LFNG: variants seen among roughly 807,000 people sequenced by gnomAD.
LFNG encodes the protein LFNG O-fucosylpeptide 3-beta-N-acetylglucosaminyltransferase.
LFNG carries 15 observed loss-of-function variants against 32.7 expected under a neutral mutation model. The ratio of observed to expected loss-of-function variants is 0.46; its 90% CI spans 0.31 to 0.71. The LOEUF (loss-of-function observed/expected upper bound fraction) is 0.71, where lower values mean the gene tolerates loss of function less well. Ranked by LOEUF, LFNG falls within the 30% of genes least tolerant of loss-of-function variation. LFNG has a pLI of 0.06. For synonymous variants in LFNG, 274 were observed against 246.8 expected (o/e 1.11, Z -1.03); for missense variants, 520 against 545.7 (o/e 0.95, Z 0.47).
rs1780055230 is a variant in LFNG, at chr7:2,528,216, A to T, written c.*1004A>T. 1 of 985,318 alleles carries T rather than the reference A, an allele frequency of 1.0e-6. No individual in the cohort carries two copies. The highest frequency in any genetic ancestry group is 6.2e-5 in the Admixed American group (1 of 16,218). 61.0% of individuals were successfully genotyped at this position (985,318 alleles called of 1,614,324 possible). On this transcript the variant is annotated 3_prime_UTR_variant, in exon 8 of 8. Coordinates refer to ENST00000222725, the MANE Select transcript of LFNG (RefSeq NM_001040167.2). ...TGTATTTATGCGTTCCAGCATCTGG[A>T]ACCTCCCATCCCTGCCCTCCTCCTG...
At chr7:2,512,668 C>T (rs1277271069) in exon 1 of LFNG, 2 of 1,613,700 alleles carry the variant, frequency 1.2e-6, no homozygotes, top group Admixed American at 3.3e-5. Context: ...GATGAACAGA[C>T]AGGAAGGCTC....
chr7:2,517,400 C>A (rs1779654585), upstream of LFNG, among the ~76,000 whole-genome samples: 2 of 152,104 alleles, frequency 1.3e-5, no homozygotes, highest in Non-Finnish European at 2.9e-5. Context: ...GACGCGGGAA[C>A]CCCCCCTACC....
At chr7:2,512,655 A>G (rs1779522330) in exon 1 of LFNG, 1 of 1,613,730 alleles carries the variant, frequency 6.2e-7, no homozygotes, top group East Asian at 2.2e-5. Flanking sequence ...GCTCAGAGGG[A>G]TGGATGAACA....
At chr7:2,524,784 A>C (rs1305863039) in intron 2 of LFNG, 41 bp downstream of exon 2, 6 of 1,538,242 alleles carry the variant, frequency 3.9e-6, no homozygotes, top group Non-Finnish European at 5.3e-6. Flanking sequence ...CCAGGCCTCC[A>C]TCCAGAGCCG....
In LFNG at chr7:2,520,899, C is replaced by G. The variant is rs78782692; in HGVS notation, c.432+606C>G. 0.012 allele frequency among the ~76,000 whole-genome samples: 1,894 copies of G among 152,286 alleles called. 18 individuals carry two copies. The highest frequency in any genetic ancestry group is 0.037 in the Middle Eastern group (11 of 294). Reference sequence around the variant, plus strand: ...TGAGGCCTGCAACCTTGGGCACAGCCCACTTCAGTTGGGCATCAGCTTCTT... The same window carrying G: ...TGAGGCCTGCAACCTTGGGCACAGCGCACTTCAGTTGGGCATCAGCTTCTT... On this transcript the variant is annotated intron_variant, in intron 1 of 7. Coordinates refer to ENST00000222725, the MANE Select transcript of LFNG (RefSeq NM_001040167.2). The surrounding 1 kb of genome is among the most constrained non-coding windows in gnomAD (Gnocchi z 5.0).
intron 1 of LFNG, among the ~76,000 whole-genome samples, chr7:2,521,393 G>A (rs1287815369): frequency 1.3e-5 from 2 of 152,198 alleles, no homozygotes. Flanking sequence ...GATTCCCAGC[G>A]CCGGGCGGCT....
At chr7:2,513,638 C>T (rs2128372937), upstream of LFNG, among the ~76,000 whole-genome samples, 1 of 152,280 alleles carries the variant, frequency 6.6e-6, no homozygotes, top group African/African-American at 2.4e-5. Context: ...ATGCCTGGGG[C>T]CTGACAGGCA....
Position 2,528,048 on chromosome 7 carries a change from G to A in LFNG, c.*836G>A. 1 of 955,874 alleles carries A rather than the reference G, an allele frequency of 1.0e-6. No homozygotes were observed. The highest frequency in any genetic ancestry group is 1.2e-6 in the Non-Finnish European group (1 of 813,660). 59.2% of individuals were successfully genotyped at this position (955,874 alleles called of 1,614,324 possible). A position where few individuals can be genotyped will look rare whatever the true frequency, so the allele number is the denominator to read the frequency against. ...TTGAAAGGGGATGGGTAAAAAGTAGGGTGTTCTTGTTTTTTGCTTGGGAGG... is the reference window on the plus strand; with the variant it reads ...TTGAAAGGGGATGGGTAAAAAGTAGAGTGTTCTTGTTTTTTGCTTGGGAGG... On this transcript the variant is annotated 3_prime_UTR_variant, in exon 8 of 8. Coordinates refer to ENST00000222725, the MANE Select transcript of LFNG (RefSeq NM_001040167.2).
In LFNG at chr7:2,520,846, G is replaced by T. The variant is rs1779768455; in HGVS notation, c.432+553G>T. On this transcript the variant is annotated intron_variant, in intron 1 of 7. Transcript: ENST00000222725. The surrounding 1 kb of genome is among the most constrained non-coding windows in gnomAD (Gnocchi z 5.0). ...CTCCAGGTTTTGGGGTCTGTGTGGGGACCCTCCCCGCACAGTGCAGTAGTC... is the reference window on the plus strand; with the variant it reads ...CTCCAGGTTTTGGGGTCTGTGTGGGTACCCTCCCCGCACAGTGCAGTAGTC... Among the ~76,000 whole-genome samples the T allele has an allele frequency of 6.6e-6, 1 of 152,156 alleles. No homozygotes were observed. Among genetic ancestry groups the T allele is most frequent in the South Asian group, 2.1e-4 (1 of 4,830 alleles).
At chr7:2,522,343 G>C (rs1779815381) in intron 1 of LFNG, among the ~76,000 whole-genome samples, 1 of 152,216 alleles carries the variant, frequency 6.6e-6, no homozygotes, top group African/African-American at 2.4e-5. Context: ...AGCAACTGGA[G>C]TGGTGGCTGG....
In LFNG at chr7:2,525,525, C is replaced by G. The variant is rs1376443694; in HGVS notation, c.693C>G (p.Asp231Glu). 5.6e-6 allele frequency: 9 copies of G among 1,612,226 alleles called. No individual in the cohort carries two copies. Among genetic ancestry groups the G allele is most frequent in the African/African-American group, 1.3e-5 (1 of 74,938 alleles). ...TCTACGTCGGCAAGCCCAGCCTGGACAGGCCCATCCAGGCCATGGAGCGGG... is the reference window on the plus strand; with the variant it reads ...TCTACGTCGGCAAGCCCAGCCTGGAGAGGCCCATCCAGGCCATGGAGCGGG... ...RDVYVGKPSL[D>E]RPIQAMERVS... The change falls in exon 4 of 8, where the codon GAC becomes GAG. Residue 231 changes from aspartate (D) to glutamate (E), a missense_variant. Asp to Glu is a conservative substitution (Grantham distance 45). This residue lies in a region of LFNG where 360 missense variants were observed against 354.7 expected (regional missense o/e 1.01). Coordinates refer to ENST00000222725, the MANE Select transcript of LFNG (RefSeq NM_001040167.2).
At chr7:2,525,908 T>G in intron 5 of LFNG, 138 bp downstream of exon 5, 2 of 803,816 alleles carry the variant, frequency 2.5e-6, no homozygotes, top group Non-Finnish European at 4.1e-6. Flanking sequence ...TATATTCCAC[T>G]TCCCTCTGGG....
chr7:2,518,199 T>C (rs1044679597), upstream of LFNG, among the ~76,000 whole-genome samples: 2 of 152,112 alleles, frequency 1.3e-5, no homozygotes, highest in Non-Finnish European at 2.9e-5. Context: ...CCCTCAAGCC[T>C]CTCCAGCTGC....
At chr7:2,528,869 T>C (rs77111583), downstream of LFNG, 2,100 of 582,242 alleles carry the variant, frequency 3.6e-3, 40 homozygotes, top group African/African-American at 0.037. Context: ...CGCCTCACTT[T>C]GCAGGTGGGG....
At position 2,519,790 on chromosome 7, in the gene LFNG, G is replaced by C. The variant is rs1387130607; in HGVS notation, c.-72G>C. The C allele has an allele frequency of 3.3e-6, 3 of 912,882 alleles. No individual in the cohort carries two copies. Among genetic ancestry groups the C allele is most frequent in the Non-Finnish European group, 4.0e-6 (3 of 757,260 alleles). The allele number at this position is 912,882 out of a possible 1,614,324, so 56.5% of individuals were successfully genotyped here. On this transcript the variant is annotated 5_prime_UTR_variant, in exon 1 of 8. Coordinates refer to ENST00000222725, the MANE Select transcript of LFNG (RefSeq NM_001040167.2). The stretch of plus-strand genomic sequence containing the variant: ...TGCTGCGCTGCTGGACTGCGCCGCC[G>C]GAGCGACGGGCTTCGGGTCGGTGCA...
upstream of LFNG, among the ~76,000 whole-genome samples, chr7:2,515,705 C>T (rs1779612848): frequency 4.6e-5 from 7 of 152,240 alleles, no homozygotes; most frequent in Admixed American, 4.6e-4. Flanking sequence ...CCAGCCATAT[C>T]CCTATTACAG....
In LFNG at chr7:2,527,491, A is replaced by G. The variant is rs944468712; in HGVS notation, c.*279A>G. On this transcript the variant is annotated 3_prime_UTR_variant, in exon 8 of 8. Coordinates refer to ENST00000222725, the MANE Select transcript of LFNG (RefSeq NM_001040167.2). The surrounding 1 kb of genome is among the most constrained non-coding windows in gnomAD (Gnocchi z 4.4). ...CTTGGAGGAAGGATTTGTGTGTCGGAGGCCACTCCGAGGGCAATTCTGTTA... is the reference window on the plus strand; with the variant it reads ...CTTGGAGGAAGGATTTGTGTGTCGGGGGCCACTCCGAGGGCAATTCTGTTA... The G allele has an allele frequency of 2.2e-6, 3 of 1,383,488 alleles. No homozygotes were observed. The African/African-American group carries it at 4.4e-5, about 20-fold the overall frequency. The allele number at this position is 1,383,488 out of a possible 1,614,324, so 85.7% of individuals were successfully genotyped here.
upstream of LFNG, among the ~76,000 whole-genome samples, chr7:2,519,562 G>C (rs1311075946): frequency 3.3e-5 from 5 of 149,878 alleles, no homozygotes; most frequent in South Asian, 6.3e-4. Flanking sequence ...TACCCGGGGC[G>C]GGGGGGGTGC....
Position 2,520,024 on chromosome 7 carries a change from C to G in LFNG, c.163C>G (p.Pro55Ala), listed in dbSNP as rs1779740383. The G allele has an allele frequency of 6.9e-6, 7 of 1,014,196 alleles. No homozygotes were observed. Among genetic ancestry groups the G allele is most frequent in the Non-Finnish European group, 8.2e-6 (7 of 852,446 alleles). The allele number at this position is 1,014,196 out of a possible 1,614,324, so 62.8% of individuals were successfully genotyped here. A position where few individuals can be genotyped will look rare whatever the true frequency, so the allele number is the denominator to read the frequency against. The change falls in exon 1 of 8, where the codon CCC (proline) becomes GCC (alanine). Residue 55 changes from proline (P) to alanine (A), a missense_variant. This residue lies in a region of LFNG where 360 missense variants were observed against 354.7 expected (regional missense o/e 1.01). Coordinates refer to ENST00000222725, the MANE Select transcript of LFNG (RefSeq NM_001040167.2). The surrounding 1 kb of genome is among the most constrained non-coding windows in gnomAD (Gnocchi z 5.0). ...GGGCCCCGCGGGGGCTGCCCCGGCG[C>G]CCGGGCTGGGGGCGGCGGCGGCGGC... is the stretch of plus-strand genomic sequence containing the variant. ...LAGPAGAAPA[P>A]GLGAAAAAPG...
Sources: gnomAD v4.1 joint callset for allele counts (sites outside exome capture counted in the v4.1 genomes callset) on GRCh38, gnomAD v4.1.1 for gene constraint, gnomAD v4.1.1 regional missense constraint, Gnocchi (gnomAD v3.1) non-coding constraint, MANE v1.5 for transcripts, NCBI Gene and HGNC (gene_info 2026-07-23, HGNC 2026-07-21) for gene names.